DNAJC11: variants seen among roughly 807,000 people sequenced by gnomAD.
DNAJC11 encodes the protein DnaJ heat shock protein family (Hsp40) member C11.
DNAJC11 carries 15 observed loss-of-function variants against 78.6 expected under a neutral mutation model. The observed-to-expected ratio is 0.19, with a 90% CI of 0.13 to 0.29. The LOEUF (loss-of-function observed/expected upper bound fraction) is 0.29, where lower values mean the gene tolerates loss of function less well. DNAJC11 is among the 10% of genes least tolerant of loss of function. DNAJC11 has a pLI of 1.00. For missense variants in DNAJC11, 547 were observed against 709.6 expected (o/e 0.77, Z 2.60); for synonymous variants, 292 against 272.1 (o/e 1.07, Z -0.72).
At chr1:6,681,283 C>T (rs535065029) in intron 1 of DNAJC11, among the ~76,000 whole-genome samples, 30 of 152,216 alleles carry the variant, frequency 2.0e-4, no homozygotes, top group Middle Eastern at 3.4e-3. Flanking sequence ...AATGAATGAA[C>T]GTTTGGGTCT....
At chr1:6,638,168 A>G in intron 12 of DNAJC11, 127 bp downstream of exon 12, 1 of 884,018 alleles carries the variant, frequency 1.1e-6, no homozygotes, top group South Asian at 1.9e-5. Flanking sequence ...ATCCCACAAT[A>G]AAGACTAAGT....
chr1:6,689,633 C>T (rs889004833), intron 1 of DNAJC11, among the ~76,000 whole-genome samples: 1 of 152,016 alleles, frequency 6.6e-6, no homozygotes, highest in African/African-American at 2.4e-5. Flanking sequence ...GGTAAAGATA[C>T]AAAAAAACAG....
Position 6,653,079 on chromosome 1 carries a change from T to C in DNAJC11, c.508-128A>G, listed in dbSNP as rs562159199. ...CGATTCCTCTGTTCAGAAGCACACA[T>C]GGATGCAGAACTGCCGCAACAGCTT... On this transcript the variant is annotated intron_variant, in intron 5 of 15. Transcript: ENST00000377577. The surrounding 1 kb of genome is among the most constrained non-coding windows in gnomAD (Gnocchi z 4.5). 8.3e-5 allele frequency: 91 copies of C among 1,095,116 alleles called. No homozygotes were observed. In the African/African-American group the frequency reaches 1.2e-3, roughly 14 times the overall value. The allele number at this position is 1,095,116 out of a possible 1,614,324, so 67.8% of individuals were successfully genotyped here. A position where few individuals can be genotyped will look rare whatever the true frequency, so the allele number is the denominator to read the frequency against.
Position 6,680,590 on chromosome 1 carries a change from G to GT in DNAJC11, c.202+317dup, listed in dbSNP as rs1642536782. On this transcript the variant is annotated intron_variant, in intron 2 of 15. Coordinates refer to ENST00000377577, the MANE Select transcript of DNAJC11 (RefSeq NM_018198.4). The surrounding 1 kb of genome is among the most constrained non-coding windows in gnomAD (Gnocchi z 4.0). ...AAAAGAGAACAAAGAAACCTTCCCT[G>GT]TAACGATCAGCCTTTTACCTATAAG... is the stretch of plus-strand genomic sequence containing the variant. 2.0e-5 allele frequency among the ~76,000 whole-genome samples: 3 copies of GT among 152,136 alleles called. No individual in the cohort carries two copies. The highest frequency in any genetic ancestry group is 6.5e-5 in the Admixed American group (1 of 15,278).
At chr1:6,674,960 A>C (rs1642438194) in intron 3 of DNAJC11, among the ~76,000 whole-genome samples, 1 of 152,226 alleles carries the variant, frequency 6.6e-6, no homozygotes, top group Admixed American at 6.5e-5. Flanking sequence ...ACCCTTCAGC[A>C]ACTGAAGAGT....
At chr1:6,662,138 T>TG (rs1642226046) in intron 4 of DNAJC11, among the ~76,000 whole-genome samples, 1 of 149,716 alleles carries the variant, frequency 6.7e-6, no homozygotes, top group Admixed American at 6.6e-5. Flanking sequence ...GTTTTTTGTT[T>TG]TTTTTTTTTG....
chr1:6,692,237 T>C (rs1438213163), intron 1 of DNAJC11, among the ~76,000 whole-genome samples: 2 of 152,164 alleles, frequency 1.3e-5, no homozygotes, highest in Non-Finnish European at 2.9e-5. Context: ...AAGAAACACA[T>C]TGTGAAATGT....
intron 4 of DNAJC11, among the ~76,000 whole-genome samples, chr1:6,654,713 T>C (rs181622969): frequency 1.1e-4 from 17 of 152,252 alleles, no homozygotes; most frequent in Admixed American, 2.6e-4. Context: ...TATAAAACCA[T>C]GGCCACACAC....
At chr1:6,667,921 G>A (rs942542631) in intron 3 of DNAJC11, 111 bp from the exon 4 acceptor site, 38 of 968,436 alleles carry the variant, frequency 3.9e-5, no homozygotes, top group Non-Finnish European at 5.4e-5. Context: ...CTGGGGTCCG[G>A]CCACAGCCTT....
chr1:6,651,306 GC>G (rs1176278292), intron 7 of DNAJC11: 2 of 655,694 alleles, frequency 3.1e-6, no homozygotes, highest in African/African-American at 3.5e-5. Flanking sequence ...GGATGGTGCA[GC>G]CTGGCCAGGG....
At chr1:6,693,316 T>A (rs1368286297) in intron 1 of DNAJC11, among the ~76,000 whole-genome samples, 1 of 152,242 alleles carries the variant, frequency 6.6e-6, no homozygotes, top group Non-Finnish European at 1.5e-5. Context: ...GGATGAAGCA[T>A]ACCAAGTATG....
chr1:6,637,820 G>A (rs978532225), intron 12 of DNAJC11: 1 of 486,274 alleles, frequency 2.1e-6, no homozygotes, highest in South Asian at 2.5e-5. Context: ...AAAAAACAAT[G>A]CGTTGTCAGC....
chr1:6,645,795 G>C lies in DNAJC11; in HGVS notation c.888C>G (p.Ala296=), dbSNP rs1434383650. 2 of 1,613,802 alleles carry C rather than the reference G, an allele frequency of 1.2e-6. No individual in the cohort carries two copies. The highest frequency in any genetic ancestry group is 2.2e-5 in the East Asian group (1 of 44,872). The change falls in exon 8 of 16, where the codon GCC becomes GCG. Residue 296 remains alanine (A), a synonymous_variant. Coordinates refer to ENST00000377577, the MANE Select transcript of DNAJC11 (RefSeq NM_018198.4). This position sits in a 1 kb window ranked among gnomAD's most constrained non-coding sequence, Gnocchi z 4.1. ...TGATGGCTGCTCGGCTCACCTGCAGGGCCACAGTGAAGTGGCTGGTTTTAG... is the reference window on the plus strand; with the variant it reads ...TGATGGCTGCTCGGCTCACCTGCAGCGCCACAGTGAAGTGGCTGGTTTTAG... ...RDTKTSHFTV[A]LQLGIPHSFA...
At chr1:6,670,561 T>C (rs1272655309) in intron 3 of DNAJC11, 1 of 152,188 alleles carries the variant, frequency 6.6e-6, no homozygotes, top group Admixed American at 6.5e-5. Flanking sequence ...ATTAAAAATA[T>C]TGAAAACATT....
At chr1:6,699,996 G>T (rs1194751291) in intron 1 of DNAJC11, among the ~76,000 whole-genome samples, 2 of 152,098 alleles carry the variant, frequency 1.3e-5, no homozygotes, top group Non-Finnish European at 2.9e-5. Flanking sequence ...ACATCCAGAT[G>T]GCCTGAAGCA....
Position 6,634,689 on chromosome 1 carries a change from A to T in DNAJC11, c.*986T>A. 4.4e-6 allele frequency: 6 copies of T among 1,366,120 alleles called. No homozygotes were observed. Among genetic ancestry groups the T allele is most frequent in the Non-Finnish European group, 5.9e-6 (6 of 1,021,720 alleles). 84.6% of individuals were successfully genotyped at this position (1,366,120 alleles called of 1,614,324 possible). On this transcript the variant is annotated 3_prime_UTR_variant, in exon 16 of 16. Coordinates refer to ENST00000377577, the MANE Select transcript of DNAJC11 (RefSeq NM_018198.4). ...GCTGCATTCTGCATCCCAAGTGGGC[A>T]CGTGGAGGAAGGGTCTGAAGGAAGG... is the stretch of plus-strand genomic sequence containing the variant.
At chr1:6,698,839 G>A (rs1642881204) in intron 1 of DNAJC11, among the ~76,000 whole-genome samples, 1 of 151,086 alleles carries the variant, frequency 6.6e-6, no homozygotes, top group African/African-American at 2.4e-5. Flanking sequence ...CTACTCTGGT[G>A]GCTGAGGTGG....
intron 1 of DNAJC11, among the ~76,000 whole-genome samples, chr1:6,690,667 G>A (rs1403281392): frequency 6.6e-6 from 1 of 152,206 alleles, no homozygotes; most frequent in Non-Finnish European, 1.5e-5. Context: ...GCTCACGCCT[G>A]TAATCCCAGC....
At chr1:6,700,616 C>T (rs1055913606) in intron 1 of DNAJC11, among the ~76,000 whole-genome samples, 44 of 152,212 alleles carry the variant, frequency 2.9e-4, no homozygotes, top group African/African-American at 1.1e-3. Flanking sequence ...AAATCAAGGG[C>T]TATCATAATA....
Sources: allele counts gnomAD v4.1 joint callset (sites outside exome capture counted in the v4.1 genomes callset), GRCh38; gene constraint gnomAD v4.1.1; non-coding constraint Gnocchi (gnomAD v3.1); transcripts MANE v1.5; gene names NCBI Gene and HGNC (gene_info 2026-07-23, HGNC 2026-07-21).